The following RRM2 variants were observed in gnomAD, a reference collection of about 807,000 sequenced individuals.
RRM2 encodes ribonucleoside-diphosphate reductase subunit M2.
In RRM2, 6 loss-of-function variants were observed where a neutral mutation model predicts 45.9. That is an observed-to-expected ratio of 0.13 (90% confidence interval 0.07 to 0.26). The LOEUF is 0.26. Ranked by LOEUF, RRM2 falls within the 10% of genes least tolerant of loss-of-function variation. The probability of loss-of-function intolerance (pLI) is 1.00; values close to 1 mark genes in which losing one functional copy is unlikely to be tolerated. For missense variants in RRM2, 343 were observed against 489.5 expected, an observed-to-expected ratio of 0.70 and a Z score of 2.82; for synonymous variants, 177 against 173.0, an observed-to-expected ratio of 1.02 and a Z score of -0.18.
At chr2:10,153,058 G>A (rs1234994709) in intron 3 of RRM2, among the ~76,000 whole-genome samples, 1 of 152,150 alleles carries the variant, frequency 6.6e-6, no homozygotes, top group Non-Finnish European at 1.5e-5. Flanking sequence ...AGGGCCGGGT[G>A]TGGTGGCTCA....
Position 10,122,769 on chromosome 2 carries a change from C to T in RRM2, c.-30C>T, listed in dbSNP as rs978772062. On this transcript the variant is annotated 5_prime_UTR_variant, in exon 1 of 10. Coordinates refer to ENST00000304567, the MANE Select transcript of RRM2 (RefSeq NM_001034.4). ...CCCTGTCCCAGCCGTCCTGTCCTGGCTGCTCGCTCTGCTTCGCTGCGCCTC... is the reference window on the plus strand; with the variant it reads ...CCCTGTCCCAGCCGTCCTGTCCTGGTTGCTCGCTCTGCTTCGCTGCGCCTC... The T allele has an allele frequency of 6.4e-6, 10 of 1,564,602 alleles. No individual in the cohort carries two copies. Among genetic ancestry groups the T allele is most frequent in the Middle Eastern group, 1.7e-4 (1 of 6,034 alleles).
At chr2:10,187,333 C>T (rs1281803540) in intron 3 of RRM2, among the ~76,000 whole-genome samples, 1 of 152,234 alleles carries the variant, frequency 6.6e-6, no homozygotes, top group Non-Finnish European at 1.5e-5. Flanking sequence ...TCCTTCCTAC[C>T]TCTGCCACGG....
At chr2:10,133,898 G>A (rs1169298108), downstream of RRM2, among the ~76,000 whole-genome samples, 1 of 151,986 alleles carries the variant, frequency 6.6e-6, no homozygotes. Context: ...AAATAGGTGG[G>A]CCGGGCATGG....
chr2:10,167,431 G>A (rs572012524), intron 3 of RRM2, among the ~76,000 whole-genome samples: 1 of 152,328 alleles, frequency 6.6e-6, no homozygotes, highest in South Asian at 2.1e-4. Flanking sequence ...GGCTGCAGAG[G>A]ACAAACAGTG....
At chr2:10,168,860 C>T (rs1663734709) in intron 3 of RRM2, among the ~76,000 whole-genome samples, 2 of 152,218 alleles carry the variant, frequency 1.3e-5, no homozygotes, top group Admixed American at 1.3e-4. Flanking sequence ...CCATGGACTC[C>T]TTCAGGCAGT....
upstream of RRM2, among the ~76,000 whole-genome samples, chr2:10,136,707 A>G (rs1441378819): frequency 6.6e-6 from 1 of 152,250 alleles, no homozygotes; most frequent in African/African-American, 2.4e-5. Context: ...CAGGAGGTTG[A>G]GGCTGCAGTG....
At chr2:10,176,514 C>T (rs1663917746) in intron 3 of RRM2, among the ~76,000 whole-genome samples, 2 of 151,936 alleles carry the variant, frequency 1.3e-5, no homozygotes, top group Admixed American at 6.6e-5. Flanking sequence ...GTGATCTGCC[C>T]GCCTCGGCCT....
In RRM2 at chr2:10,195,422, C is replaced by T. The variant is rs984167855; in HGVS notation, n.483-14889C>T. The stretch of plus-strand genomic sequence containing the variant: ...GGAGCCCTGGGGAGCACCGAGTCCC[C>T]GCCGTGATGGGTCCCTGAAGCACCG... On this transcript the variant is annotated intron_variant and non_coding_transcript_variant, in intron 3 of 3. Transcript: ENST00000381786. This position sits in a 1 kb window ranked among gnomAD's most constrained non-coding sequence, Gnocchi z 4.9. Among the ~76,000 whole-genome samples, 3 of 152,044 alleles carry T rather than the reference C, an allele frequency of 2.0e-5. No individual in the cohort carries two copies. Among genetic ancestry groups the T allele is most frequent in the Non-Finnish European group, 4.4e-5 (3 of 67,984 alleles).
At chr2:10,184,091 TAAAAAAAAAA>T (rs60421650) in intron 3 of RRM2, among the ~76,000 whole-genome samples, 30 of 30,686 alleles carry the variant, frequency 9.8e-4, no homozygotes, top group South Asian at 1.9e-3. Flanking sequence ...AGACTCCATC[TAAAAAAAAAA>T]AAAAAAAAAA....
intron 3 of RRM2, among the ~76,000 whole-genome samples, chr2:10,178,105 C>T (rs1340838136): frequency 1.3e-5 from 2 of 150,714 alleles, no homozygotes; most frequent in Non-Finnish European, 3.0e-5. Context: ...TTTTCGTATT[C>T]GTAGTAGAGA....
At chr2:10,146,225 G>C (rs1371635331) in intron 3 of RRM2, 1 of 152,376 alleles carries the variant, frequency 6.6e-6, no homozygotes, top group Admixed American at 6.5e-5. Context: ...GGCAGAGACA[G>C]GGCTTAAACT....
chr2:10,136,193 G>T (rs1044163484), downstream of RRM2, among the ~76,000 whole-genome samples: 1 of 152,214 alleles, frequency 6.6e-6, no homozygotes, highest in Admixed American at 6.5e-5. Context: ...CAAGTGAATG[G>T]TTTGGATTAT....
rs567302711 is a variant in RRM2, at chr2:10,129,435, A to G, written c.*49A>G. 6.4e-7 allele frequency: 1 copy of G among 1,562,956 alleles called. No homozygotes were observed. The highest frequency in any genetic ancestry group is 2.0e-5 in the Admixed American group (1 of 49,704). On this transcript the variant is annotated 3_prime_UTR_variant, in exon 10 of 10. Transcript: ENST00000304567. The surrounding 1 kb of genome is among the most constrained non-coding windows in gnomAD (Gnocchi z 4.8). ...TTGGCTGATTTTTTTTTTCCATCTCATAAGAAAAATCAGCTGAAGTGTTAC... is the reference window on the plus strand; with the variant it reads ...TTGGCTGATTTTTTTTTTCCATCTCGTAAGAAAAATCAGCTGAAGTGTTAC...
intron 3 of RRM2, among the ~76,000 whole-genome samples, chr2:10,179,157 T>A (rs1477381431): frequency 6.6e-6 from 1 of 152,138 alleles, no homozygotes; most frequent in Admixed American, 6.5e-5. Flanking sequence ...ATCCTTTTTT[T>A]GTTTGTTTGT....
intron 3 of RRM2, among the ~76,000 whole-genome samples, chr2:10,201,750 T>C (rs1664573744): frequency 6.6e-6 from 1 of 152,214 alleles, no homozygotes; most frequent in South Asian, 2.1e-4. Context: ...TTACTGATAA[T>C]GTACACTAAA....
At chr2:10,193,277 G>A (rs1412171245) in intron 3 of RRM2, among the ~76,000 whole-genome samples, 1 of 152,210 alleles carries the variant, frequency 6.6e-6, no homozygotes, top group Non-Finnish European at 1.5e-5. Flanking sequence ...AAGTGTAGCA[G>A]GAGAGGTTGG....
At chr2:10,163,331 G>A (rs1048329263) in intron 3 of RRM2, among the ~76,000 whole-genome samples, 4 of 138,868 alleles carry the variant, frequency 2.9e-5, no homozygotes, top group South Asian at 2.7e-4. Flanking sequence ...AAAGACGGGC[G>A]GGGGGGTGGG....
chr2:10,166,881 C>T (rs1241826337), intron 3 of RRM2, among the ~76,000 whole-genome samples: 1 of 152,158 alleles, frequency 6.6e-6, no homozygotes, highest in Non-Finnish European at 1.5e-5. Flanking sequence ...GAGCTTTTAC[C>T]CTGGCGGGGT....
chr2:10,157,405 T>A (rs1199335957), intron 3 of RRM2, among the ~76,000 whole-genome samples: 1 of 152,198 alleles, frequency 6.6e-6, no homozygotes, highest in Non-Finnish European at 1.5e-5. Context: ...GCTCGATGCC[T>A]TTTCTCAAAG....
Sources: allele counts gnomAD v4.1 joint callset (sites outside exome capture counted in the v4.1 genomes callset), GRCh38; gene constraint gnomAD v4.1.1; non-coding constraint Gnocchi (gnomAD v3.1); transcripts MANE v1.5; gene names NCBI Gene and HGNC (gene_info 2026-07-23, HGNC 2026-07-21).